The following OTULINL variants were observed in gnomAD, a reference collection of about 807,000 sequenced individuals.
OTULINL encodes the protein OTU deubiquitinase with linear linkage specificity like, also known as inactive ubiquitin thioesterase OTULINL.
Under a neutral mutation model 43.9 loss-of-function variants are expected in OTULINL, and 42 were observed. That is an observed-to-expected ratio of 0.96 (90% confidence interval 0.75 to 1.24). The LOEUF (loss-of-function observed/expected upper bound fraction) is 1.24, where lower values mean the gene tolerates loss of function less well. Ranked by LOEUF, OTULINL falls within the 50% of genes most tolerant of loss-of-function variation. OTULINL has a pLI of 0.00. For missense variants in OTULINL, 411 were observed against 426.4 expected, an observed-to-expected ratio of 0.96 and a Z score of 0.32; for synonymous variants, 172 against 153.6, an observed-to-expected ratio of 1.12 and a Z score of -0.88.
intron 1 of OTULINL, among the ~76,000 whole-genome samples, chr5:14,600,339 T>G (rs1177371399): frequency 1.3e-5 from 2 of 152,244 alleles, no homozygotes; most frequent in Non-Finnish European, 2.9e-5. Flanking sequence ...CAATTAAACC[T>G]CTTTCCTTTA....
At chr5:14,590,293 T>C (rs895191182) in intron 1 of OTULINL, among the ~76,000 whole-genome samples, 4 of 152,154 alleles carry the variant, frequency 2.6e-5, no homozygotes, top group African/African-American at 9.7e-5. Context: ...TTAAAAAAGA[T>C]ACCTGGGCCC....
At chr5:14,592,991 T>C (rs1759230842) in intron 1 of OTULINL, among the ~76,000 whole-genome samples, 1 of 152,208 alleles carries the variant, frequency 6.6e-6, no homozygotes, top group African/African-American at 2.4e-5. Flanking sequence ...CTTACAGTGC[T>C]TGTGGACCTG....
chr5:14,605,436 G>A (rs1759458128), intron 5 of OTULINL, among the ~76,000 whole-genome samples: 1 of 152,132 alleles, frequency 6.6e-6, no homozygotes, highest in Non-Finnish European at 1.5e-5. Context: ...CTGCTGTAAA[G>A]GTTTCTGACG....
chr5:14,583,660 G>A (rs560703133), intron 1 of OTULINL, among the ~76,000 whole-genome samples: 13 of 152,326 alleles, frequency 8.5e-5, no homozygotes, highest in African/African-American at 3.1e-4. Flanking sequence ...AGCAGAGGAA[G>A]AATGTGATTC....
chr5:14,600,932 C>CTTTTTTTTTTTTTTTTGTTT (rs1759374842), intron 1 of OTULINL, 33 bp from the exon 2 acceptor site: 1 of 1,085,964 alleles, frequency 9.2e-7, no homozygotes. Context: ...TTGTGATGTG[C>CTTTTTTTTTTTTTTTTGTTT]TTTTTTTTTT....
rs1473200031 is a variant in OTULINL at position 14,615,440 on chromosome 5, G to C, written c.*5126G>C. 1.3e-5 allele frequency among the ~76,000 whole-genome samples: 2 copies of C among 152,194 alleles called. No homozygotes were observed. The highest frequency in any genetic ancestry group is 4.8e-5 in the African/African-American group (2 of 41,450). The stretch of plus-strand genomic sequence containing the variant: ...CCCCAGGGCAAGGTGAGGAGAAGCA[G>C]CTGGTACAGACTGATGACGAAGGAG... On this transcript the variant is annotated 3_prime_UTR_variant, in exon 8 of 8. Coordinates refer to ENST00000274217, the MANE Select transcript of OTULINL (RefSeq NM_019018.3).
At chr5:14,605,682 A>G (rs1478919453) in intron 5 of OTULINL, among the ~76,000 whole-genome samples, 1 of 152,136 alleles carries the variant, frequency 6.6e-6, no homozygotes, top group East Asian at 1.9e-4. Flanking sequence ...CTTTCACCAG[A>G]TACTCTAAAT....
At chr5:14,606,676 A>C (rs1579927076) in intron 5 of OTULINL, among the ~76,000 whole-genome samples, 1 of 152,216 alleles carries the variant, frequency 6.6e-6, no homozygotes, top group African/African-American at 2.4e-5. Flanking sequence ...CACAGAGTGC[A>C]TCATTCTAAA....
intron 1 of OTULINL, among the ~76,000 whole-genome samples, chr5:14,587,802 C>T (rs1457727635): frequency 1.3e-5 from 2 of 152,158 alleles, no homozygotes; most frequent in African/African-American, 4.8e-5. Flanking sequence ...TGGTGACCTA[C>T]CTTGTACTGT....
At chr5:14,592,874 C>T (rs1207157694) in intron 1 of OTULINL, among the ~76,000 whole-genome samples, 2 of 152,326 alleles carry the variant, frequency 1.3e-5, no homozygotes, top group Non-Finnish European at 1.5e-5. Context: ...CTTCTCCAGC[C>T]TCCCCTCACT....
At chr5:14,601,884 G>A (rs1759394803) in intron 4 of OTULINL, among the ~76,000 whole-genome samples, 1 of 152,232 alleles carries the variant, frequency 6.6e-6, no homozygotes, top group Non-Finnish European at 1.5e-5. Context: ...GGTGGAGGGA[G>A]TACATATAAA....
At chr5:14,582,378 C>T (rs896271736) in intron 1 of OTULINL, among the ~76,000 whole-genome samples, 3 of 152,054 alleles carry the variant, frequency 2.0e-5, no homozygotes, top group East Asian at 1.9e-4. Context: ...CGTGTCCTCT[C>T]GGGGAGCTCG....
At chr5:14,587,940 A>G (rs2126770233) in intron 1 of OTULINL, among the ~76,000 whole-genome samples, 1 of 151,974 alleles carries the variant, frequency 6.6e-6, no homozygotes, top group African/African-American at 2.4e-5. Flanking sequence ...TTTCCTCCCC[A>G]TTTAGCAGCC....
At chr5:14,604,909 C>T (rs1759446936) in intron 5 of OTULINL, among the ~76,000 whole-genome samples, 2 of 152,324 alleles carry the variant, frequency 1.3e-5, no homozygotes, top group East Asian at 1.9e-4. Flanking sequence ...CTGTGGCTTT[C>T]CCAGGTGCAT....
intron 1 of OTULINL, among the ~76,000 whole-genome samples, chr5:14,590,100 T>C (rs754289876): frequency 1.3e-5 from 2 of 152,202 alleles, no homozygotes; most frequent in Non-Finnish European, 2.9e-5. Context: ...CACTTACTTT[T>C]AGTTGGATTA....
chr5:14,589,924 A>G (rs1361488006), intron 1 of OTULINL, among the ~76,000 whole-genome samples: 1 of 152,160 alleles, frequency 6.6e-6, no homozygotes, highest in African/African-American at 2.4e-5. Flanking sequence ...CCTGGGCGAC[A>G]GAGTGAGAAT....
intron 1 of OTULINL, among the ~76,000 whole-genome samples, chr5:14,599,138 G>A (rs1048701434): frequency 2.0e-5 from 3 of 152,204 alleles, no homozygotes; most frequent in Non-Finnish European, 4.4e-5. Context: ...GTTCTAAACA[G>A]ATAAGCACTT....
At position 14,602,210 on chromosome 5, in the gene OTULINL, C is replaced by A. The variant is rs144733724; in HGVS notation, c.376C>A (p.His126Asn). 4 of 1,604,642 alleles carry A rather than the reference C, an allele frequency of 2.5e-6. No homozygotes were observed. The highest frequency in any genetic ancestry group is 1.3e-5 in the African/African-American group (1 of 74,738). Residue 126 changes from histidine (H) to asparagine (N), a missense_variant, in exon 5 of 8, where the codon CAC becomes AAC. Transcript: ENST00000274217. ...KAYEELFWRH[H>N]IKCVRQVRRD... The stretch of plus-strand genomic sequence containing the variant: ...TTATGAGGAGCTATTTTGGCGGCAT[C>A]ACATTAAATGTGTTCGACAAGTAAG...
chr5:14,606,092 A>G (rs1759471390), intron 5 of OTULINL, among the ~76,000 whole-genome samples: 1 of 152,198 alleles, frequency 6.6e-6, no homozygotes, highest in Admixed American at 6.5e-5. Flanking sequence ...GCAATTTACA[A>G]AAGAAAGAGG....
Sources: gnomAD v4.1 joint callset for allele counts (sites outside exome capture counted in the v4.1 genomes callset) on GRCh38, gnomAD v4.1.1 for gene constraint, MANE v1.5 for transcripts, NCBI Gene and HGNC (gene_info 2026-07-23, HGNC 2026-07-21) for gene names.